The following PAPPA2 variants were observed in gnomAD, a reference collection of about 807,000 sequenced individuals.
PAPPA2 encodes pappalysin-2.
Under a neutral mutation model 176.4 loss-of-function variants are expected in PAPPA2, and 86 were observed. That is an observed-to-expected ratio of 0.49 (90% CI 0.41 to 0.58). The LOEUF is 0.58. Among genes scored for constraint, PAPPA2 ranks in the 20% least tolerant of loss-of-function variants. The probability of loss-of-function intolerance (pLI) is 0.00; values close to 1 mark genes in which losing one functional copy is unlikely to be tolerated. For missense variants in PAPPA2, 2,073 were observed against 2,256.9 expected (o/e 0.92, Z 1.65); for synonymous variants, 809 against 852.2 (o/e 0.95, Z 0.88).
At chr1:176,726,327 T>G (rs1661873124) in intron 12 of PAPPA2, among the ~76,000 whole-genome samples, 1 of 152,222 alleles carries the variant, frequency 6.6e-6, no homozygotes, top group Non-Finnish European at 1.5e-5. Context: ...TACTCCACTG[T>G]TCTTGTTTAC....
At chr1:176,808,156 T>C (rs1418762380) in intron 21 of PAPPA2, among the ~76,000 whole-genome samples, 2 of 150,888 alleles carry the variant, frequency 1.3e-5, no homozygotes, top group African/African-American at 5.0e-5. Context: ...AAAAAAAAAA[T>C]GCTTAAGAAT....
At chr1:176,545,147 C>T (rs530969138) in intron 1 of PAPPA2, among the ~76,000 whole-genome samples, 1 of 152,096 alleles carries the variant, frequency 6.6e-6, no homozygotes, top group Non-Finnish European at 1.5e-5. Flanking sequence ...AAATTCCAGC[C>T]CTCTAACCAT....
intron 14 of PAPPA2, among the ~76,000 whole-genome samples, chr1:176,751,279 G>T (rs1663162886): frequency 6.6e-6 from 1 of 151,890 alleles, no homozygotes; most frequent in African/African-American, 2.4e-5. Context: ...ACATAGGCGT[G>T]GGCAAGGACT....
chr1:176,463,358 C>A lies in PAPPA2; in HGVS notation c.-977C>A, dbSNP rs927620947. 1 of 152,238 alleles carries A rather than the reference C, an allele frequency of 6.6e-6. No homozygotes were observed. The highest frequency in any genetic ancestry group is 1.5e-5 in the Non-Finnish European group (1 of 68,066). 9.4% of individuals were successfully genotyped at this position (152,238 alleles called of 1,614,324 possible). Reference sequence around the variant, plus strand: ...ACGGGTGTTTGGGGACCTCCCCAAGCCCACGAGTATCAATGGCAGTATCAA... The same window carrying A: ...ACGGGTGTTTGGGGACCTCCCCAAGACCACGAGTATCAATGGCAGTATCAA... On this transcript the variant is annotated 5_prime_UTR_variant, in exon 1 of 23. Coordinates refer to ENST00000367662, the MANE Select transcript of PAPPA2 (RefSeq NM_020318.3).
chr1:176,644,683 A>G (rs1053936432), intron 3 of PAPPA2, among the ~76,000 whole-genome samples: 1 of 151,832 alleles, frequency 6.6e-6, no homozygotes, highest in Non-Finnish European at 1.5e-5. Flanking sequence ...GCATAACATG[A>G]CAAGTGCTGT....
intron 21 of PAPPA2, among the ~76,000 whole-genome samples, chr1:176,807,866 G>A (rs1198857434): frequency 1.3e-5 from 2 of 152,136 alleles, no homozygotes; most frequent in African/African-American, 4.8e-5. Flanking sequence ...AATTTATAAG[G>A]AACATGCTCT....
At chr1:176,589,581 ATC>A (rs1653528985) in intron 2 of PAPPA2, among the ~76,000 whole-genome samples, 1 of 152,238 alleles carries the variant, frequency 6.6e-6, no homozygotes, top group Non-Finnish European at 1.5e-5. Flanking sequence ...CACTACCACC[ATC>A]TTTTGAGTTA....
chr1:176,791,173 ATTTTTTTTTTTTT>A (rs57185368), intron 18 of PAPPA2, among the ~76,000 whole-genome samples, 161 bp from the exon 19 acceptor site: 7,293 of 81,002 alleles, frequency 0.09, 293 homozygotes, highest in Middle Eastern at 0.26. Context: ...AAAGCAAAGA[ATTTTTTTTTTTTT>A]TTTTTTTTTT....
chr1:176,716,602 CTTT>C (rs71299410), intron 12 of PAPPA2, among the ~76,000 whole-genome samples: 22 of 114,812 alleles, frequency 1.9e-4, no homozygotes, highest in East Asian at 2.5e-4. Flanking sequence ...TTCCTTCCTT[CTTT>C]TTTTTTTTTT....
In PAPPA2 at chr1:176,670,952, A is replaced by G. The variant is rs965598934; in HGVS notation, c.1992-18A>G. 1.2e-6 allele frequency: 2 copies of G among 1,611,838 alleles called. No individual in the cohort carries two copies. The highest frequency in any genetic ancestry group is 2.7e-5 in the African/African-American group (2 of 74,770). On this transcript the variant is annotated intron_variant, in intron 3 of 22. Transcript: ENST00000367662. ...CAATTCTTTGCTGTGACATTTTTTC[A>G]TCTTGCATGCTCTCTAGGGCATACA...
Position 176,734,121 on chromosome 1 carries a change from A to G in PAPPA2, c.3799-5505A>G, listed in dbSNP as rs1048306979. Reference sequence around the variant, plus strand: ...TGCAGCTGACACATCACAGTATCCAATACAAATTTGACTTTGTCTCTTTCT... The same window carrying G: ...TGCAGCTGACACATCACAGTATCCAGTACAAATTTGACTTTGTCTCTTTCT... On this transcript the variant is annotated intron_variant, in intron 12 of 22. Transcript: ENST00000367662. Among the ~76,000 whole-genome samples, 6 of 152,134 alleles carry G rather than the reference A, an allele frequency of 3.9e-5. No individual in the cohort carries two copies. The South Asian group carries it at 1.2e-3, about 31-fold the overall frequency.
chr1:176,469,979 A>G (rs6665470), intron 1 of PAPPA2, among the ~76,000 whole-genome samples: 7,295 of 152,270 alleles, frequency 0.048, 574 homozygotes, highest in African/African-American at 0.16. Context: ...GAAGCTGCCA[A>G]CAACTTGGTA....
rs1250597014 is a variant in PAPPA2, at chr1:176,702,607, G to A, written c.3237G>A (p.Val1079=). ...VTHSHRKFTD[V]EVTPGQMYQY... The stretch of plus-strand genomic sequence containing the variant: ...GTCACAAACCCTTTGGTTTCCACAG[G>A]GAGGTCACACCTGGACAGATGTATC... The change falls in exon 9 of 23, where the codon GTG becomes GTA. Residue 1079 remains valine, a splice_region_variant and synonymous_variant. Transcript: ENST00000367662. 6.2e-7 allele frequency: 1 copy of A among 1,614,014 alleles called. No individual in the cohort carries two copies. The highest frequency in any genetic ancestry group is 1.7e-5 in the Admixed American group (1 of 60,014).
intron 12 of PAPPA2, among the ~76,000 whole-genome samples, chr1:176,730,819 T>C (rs1424327614): frequency 6.6e-6 from 1 of 152,122 alleles, no homozygotes; most frequent in Non-Finnish European, 1.5e-5. Context: ...GTCGTAAGTA[T>C]TTTGTAATGC....
In PAPPA2 at chr1:176,595,556, A is replaced by T. The variant is rs1334982003; in HGVS notation, c.1952A>T (p.Asp651Val). Residue 651 changes from aspartate to valine, a missense_variant, in exon 3 of 23, where the codon GAT (aspartate) becomes GTT (valine). This residue lies in a region of PAPPA2 where 1,196 missense variants were observed against 1,330.4 expected (regional missense o/e 0.90). Coordinates refer to ENST00000367662, the MANE Select transcript of PAPPA2 (RefSeq NM_020318.3). ...DGDCCDPQVA[D>V]VRKTCFDPDS... ...GACTGCTGCGACCCCCAGGTGGCTG[A>T]TGTGCGCAAGACCTGCTTTGACCCT... 1.9e-6 allele frequency: 3 copies of T among 1,613,836 alleles called. No individual in the cohort carries two copies. The highest frequency in any genetic ancestry group is 2.5e-6 in the Non-Finnish European group (3 of 1,180,006).
At chr1:176,586,333 C>A (rs760579696) in intron 2 of PAPPA2, among the ~76,000 whole-genome samples, 2 of 150,150 alleles carry the variant, frequency 1.3e-5, no homozygotes, top group African/African-American at 4.9e-5. Context: ...TATTTTTCTT[C>A]AAAAAAAAAT....
chr1:176,561,416 T>C (rs1045432637), intron 2 of PAPPA2, among the ~76,000 whole-genome samples: 21 of 152,172 alleles, frequency 1.4e-4, no homozygotes, highest in African/African-American at 5.1e-4. Context: ...AACCTGCTTG[T>C]CTTTGGTTCT....
At chr1:176,713,293 C>T (rs1314032107) in intron 12 of PAPPA2, among the ~76,000 whole-genome samples, 1 of 151,868 alleles carries the variant, frequency 6.6e-6, no homozygotes, top group African/African-American at 2.4e-5. Context: ...GTAGCTAGGA[C>T]AAGAGTTGCT....
intron 1 of PAPPA2, among the ~76,000 whole-genome samples, chr1:176,544,380 T>C (rs1489558453): frequency 6.6e-6 from 1 of 152,214 alleles, no homozygotes; most frequent in Non-Finnish European, 1.5e-5. Flanking sequence ...CCAGTTGTTA[T>C]ATTAACACTT....
Sources: allele counts gnomAD v4.1 joint callset (sites outside exome capture counted in the v4.1 genomes callset), GRCh38; gene constraint gnomAD v4.1.1; regional missense constraint gnomAD v4.1.1; transcripts MANE v1.5; gene names NCBI Gene and HGNC (gene_info 2026-07-23, HGNC 2026-07-21).